PTPRH: variants seen among roughly 807,000 people sequenced by gnomAD.
PTPRH encodes the protein receptor-type tyrosine-protein phosphatase H.
In PTPRH, 113 loss-of-function variants were observed where a neutral mutation model predicts 130.2. That is an observed-to-expected ratio of 0.87 (90% CI 0.75 to 1.01). The LOEUF is 1.01. Among genes scored for constraint, PTPRH ranks in the 50% least tolerant of loss-of-function variants. The pLI is 0.00. For missense variants in PTPRH, 1,430 were observed against 1,425.0 expected (o/e 1.00, Z -0.06); for synonymous variants, 556 against 577.9 (o/e 0.96, Z 0.54).
At chr19:55,206,983 A>C (rs554764929) in intron 2 of PTPRH, 28 bp from the exon 3 acceptor site, 11 of 1,570,152 alleles carry the variant, frequency 7.0e-6, no homozygotes, top group Non-Finnish European at 8.6e-6. Flanking sequence ...AGGTCTGACA[A>C]AAAGGGAACC....
intron 12 of PTPRH, among the ~76,000 whole-genome samples, chr19:55,190,756 C>G (rs972308395): frequency 5.3e-5 from 8 of 150,272 alleles, no homozygotes; most frequent in Admixed American, 6.7e-5. Context: ...CAGCCACCTG[C>G]GTAGCTGGGA....
Position 55,186,276 on chromosome 19 carries a change from T to C in PTPRH, c.2727A>G (p.Glu909=). 1 of 1,613,932 alleles carries C rather than the reference T, an allele frequency of 6.2e-7. No homozygotes were observed. The highest frequency in any genetic ancestry group is 8.5e-7 in the Non-Finnish European group (1 of 1,179,904). The change falls in exon 16 of 20, where the codon GAA becomes GAG. Residue 909 remains glutamate (E), a synonymous_variant. Coordinates refer to ENST00000376350, the MANE Select transcript of PTPRH (RefSeq NM_002842.5). ...TVGDFWRLVW[E]QQSHTLVMLT... is the part of the protein sequence containing the mutation. ...GCATGACCAGGGTGTGGCTCTGCTGTTCCCACACCAGGCGCCAGAAGTCAC... is the reference window on the plus strand; with the variant it reads ...GCATGACCAGGGTGTGGCTCTGCTGCTCCCACACCAGGCGCCAGAAGTCAC...
At position 55,206,839 on chromosome 19, in the gene PTPRH, T is replaced by C. The variant is rs2087077999; in HGVS notation, c.202A>G (p.Thr68Ala). 1 of 1,614,052 alleles carries C rather than the reference T, an allele frequency of 6.2e-7. No individual in the cohort carries two copies. The highest frequency in any genetic ancestry group is 8.5e-7 in the Non-Finnish European group (1 of 1,180,032). Residue 68 changes from threonine (T) to alanine (A), a missense_variant, in exon 3 of 20, where the codon ACT (threonine) becomes GCT (alanine). Physicochemically the swap from Thr to Ala is moderately conservative, Grantham distance 58. Coordinates refer to ENST00000376350, the MANE Select transcript of PTPRH (RefSeq NM_002842.5). ...SQNSNYWVQC[T>A]GDGGTTETRN... ...GTCTCTGTTGTGCCGCCGTCTCCAG[T>C]ACACTGAACCCAGTAGTTGGAGTTC...
At position 55,182,132 on chromosome 19, in the gene PTPRH, C is replaced by T; in HGVS notation, c.3082G>A (p.Gly1028Arg). The change falls in exon 19 of 20, where the codon GGA becomes AGA. Residue 1028 changes from glycine to arginine, a missense_variant. By Grantham distance (125) the Gly-to-Arg change is moderately radical. Transcript: ENST00000376350. ...VHCSAGVGRT[G>R]TLIALDVLLR... is the part of the protein sequence containing the mutation. The stretch of plus-strand genomic sequence containing the variant: ...AGGACGTCCAGGGCAATGAGGGTTC[C>T]TGTGCGACCCACGCCAGCACTAGGC... 6.2e-7 allele frequency: 1 copy of T among 1,613,976 alleles called. No homozygotes were observed. The highest frequency in any genetic ancestry group is 2.2e-5 in the East Asian group (1 of 44,884).
In PTPRH at chr19:55,196,726, T is replaced by A. The variant is rs746565112; in HGVS notation, c.2053A>T (p.Ile685Phe). The change falls in exon 10 of 20, where the codon ATC becomes TTC. Residue 685 changes from isoleucine (I) to phenylalanine (F), a missense_variant. Transcript: ENST00000376350. The stretch of plus-strand genomic sequence containing the variant: ...TAGCCTCCCTGGGGGCAGGACCAGA[T>A]CAAGTTGACTCCATAGCCCGCTGAG... ...STSAGYGVNL[I>F]WSCPQGGYEA... 2.5e-6 allele frequency: 4 copies of A among 1,613,964 alleles called. No homozygotes were observed. The highest frequency in any genetic ancestry group is 2.5e-6 in the Non-Finnish European group (3 of 1,180,036).
In PTPRH at chr19:55,182,283, T is replaced by C. The variant is rs772388544; in HGVS notation, c.3063-132A>G. ...GCTCACACCTGTAATCCCAGCACTT[T>C]GGGAGGCTGAGGCCGGTGGATCACC... On this transcript the variant is annotated intron_variant, in intron 18 of 19. Transcript: ENST00000376350. 6.2e-4 allele frequency: 713 copies of C among 1,147,206 alleles called. 1 individual carries two copies. The highest frequency in any genetic ancestry group is 7.6e-4 in the Non-Finnish European group (624 of 823,470). 71.1% of individuals were successfully genotyped at this position (1,147,206 alleles called of 1,614,324 possible). A position where few individuals can be genotyped will look rare whatever the true frequency, so the allele number is the denominator to read the frequency against.
chr19:55,194,279 G>C, intron 10 of PTPRH: 2 of 1,289,528 alleles, frequency 1.6e-6, no homozygotes, highest in Non-Finnish European at 2.0e-6. Flanking sequence ...AGGCCCCCAA[G>C]CTGCAGCTTC....
At chr19:55,203,711 G>T in intron 5 of PTPRH, 71 bp downstream of exon 5, 1 of 1,493,798 alleles carries the variant, frequency 6.7e-7, no homozygotes, top group Non-Finnish European at 9.0e-7. Flanking sequence ...GTCACATTTT[G>T]TCAGCTCCCA....
intron 5 of PTPRH, among the ~76,000 whole-genome samples, chr19:55,202,614 T>C (rs2086900358): frequency 6.6e-6 from 1 of 150,398 alleles, no homozygotes; most frequent in Non-Finnish European, 1.5e-5. Flanking sequence ...CACACACATA[T>C]ATATACACAT....
rs2086535396 is a variant in PTPRH at position 55,191,539 on chromosome 19, C to CTTCTTA, written c.2340_2345dup (p.Asn780_Lys781dup). Reference sequence around the variant, plus strand: ...CCCTGAGTTCTGGTTTCTGCTGCTTCTTCTTATTCCTGGGAAAAGGACGTT... The same window carrying CTTCTTA: ...CCCTGAGTTCTGGTTTCTGCTGCTTCTTCTTATTCTTATTCCTGGGAAAAGGACGTT... On this transcript the variant is annotated inframe_insertion, in exon 12 of 20. Transcript: ENST00000376350. The CTTCTTA allele has an allele frequency of 6.2e-7, 1 of 1,614,204 alleles. No individual in the cohort carries two copies. The highest frequency in any genetic ancestry group is 8.5e-7 in the Non-Finnish European group (1 of 1,180,032).
intron 10 of PTPRH, among the ~76,000 whole-genome samples, chr19:55,196,004 G>A (rs889156280): frequency 1.3e-5 from 2 of 152,094 alleles, no homozygotes; most frequent in Admixed American, 6.6e-5. Flanking sequence ...TGAGCTTTCT[G>A]TTGGGGGTAA....
rs141146631 is a variant in PTPRH at position 55,196,682 on chromosome 19, C to A, written c.2097G>T (p.Glu699Asp). ...PQGGYEAFEL[E>D]VGGQRGSQDR... is the part of the protein sequence containing the mutation. ...CCTGGGAGCCCCGCTGTCCTCCCACCTCCAACTCAAAGGCCTCGTAGCCTC... is the reference window on the plus strand; with the variant it reads ...CCTGGGAGCCCCGCTGTCCTCCCACATCCAACTCAAAGGCCTCGTAGCCTC... The change falls in exon 10 of 20, where the codon GAG becomes GAT. Residue 699 changes from glutamate to aspartate, a missense_variant. By Grantham distance (45) the Glu-to-Asp change is conservative. Coordinates refer to ENST00000376350, the MANE Select transcript of PTPRH (RefSeq NM_002842.5). The A allele has an allele frequency of 6.2e-7, 1 of 1,614,014 alleles. No homozygotes were observed. The highest frequency in any genetic ancestry group is 8.5e-7 in the Non-Finnish European group (1 of 1,180,042).
Position 55,209,370 on chromosome 19 carries a change from G to C in PTPRH, c.51+13C>G, listed in dbSNP as rs757934878. 1.9e-6 allele frequency: 3 copies of C among 1,559,860 alleles called. No individual in the cohort carries two copies. The highest frequency in any genetic ancestry group is 1.9e-5 in the Admixed American group (1 of 51,842). On this transcript the variant is annotated intron_variant, in intron 1 of 19. Coordinates refer to ENST00000376350, the MANE Select transcript of PTPRH (RefSeq NM_002842.5). This position sits in a 1 kb window ranked among gnomAD's most constrained non-coding sequence, Gnocchi z 4.1. ...CCTGCCTTGGGAGCCCGCTCTGGGC[G>C]GGGAGCACTTACCAGCAGCACCAGG...
intron 17 of PTPRH, 85 bp downstream of exon 17, chr19:55,185,777 A>G (rs1336832408): frequency 6.2e-7 from 1 of 1,604,300 alleles, no homozygotes; most frequent in East Asian, 2.2e-5. Context: ...AGTGGGTGGA[A>G]GGTTGGAGTT....
chr19:55,191,389 A>G (rs1194260394), intron 12 of PTPRH, 112 bp downstream of exon 12: 44 of 1,291,982 alleles, frequency 3.4e-5, no homozygotes, highest in Non-Finnish European at 4.7e-5. Context: ...GCCCCTTCTG[A>G]GACCTTTGTG....
At chr19:55,194,235 G>T (rs925016328) in intron 10 of PTPRH, 1 of 1,289,586 alleles carries the variant, frequency 7.8e-7, no homozygotes, top group African/African-American at 1.5e-5. Flanking sequence ...CTTAGGGTAG[G>T]CTCAAGCCTA....
intron 6 of PTPRH, among the ~76,000 whole-genome samples, chr19:55,201,495 C>G (rs2086862875): frequency 6.6e-6 from 1 of 152,204 alleles, no homozygotes; most frequent in Admixed American, 6.5e-5. Context: ...GGACTGGGAG[C>G]CCCTCAACAG....
rs201963073 is a variant in PTPRH, at chr19:55,185,587, G to T, written c.2977C>A (p.Pro993Thr). Residue 993 changes from proline to threonine, a missense_variant, in exon 18 of 20, where the codon CCA (proline) becomes ACA (threonine). By Grantham distance (38) the Pro-to-Thr change is conservative. Transcript: ENST00000376350. Reference sequence around the variant, plus strand: ...CTCCAGAAAGCCAGCAAGGTGTCTGGGGAGGAGGGAACGCCGTGATCCGGC... The same window carrying T: ...CTCCAGAAAGCCAGCAAGGTGTCTGTGGAGGAGGGAACGCCGTGATCCGGC... ...AWPDHGVPSS[P>T]DTLLAFWRML... 8.1e-6 allele frequency: 13 copies of T among 1,614,214 alleles called. No individual in the cohort carries two copies. The highest frequency in any genetic ancestry group is 1.1e-5 in the Non-Finnish European group (13 of 1,180,042).
intron 4 of PTPRH, among the ~76,000 whole-genome samples, chr19:55,204,984 G>T (rs1003744299): frequency 1.3e-5 from 2 of 152,166 alleles, no homozygotes; most frequent in African/African-American, 2.4e-5. Flanking sequence ...ATGTGACGCA[G>T]CTGGGGACTA....
Sources: allele counts gnomAD v4.1 joint callset (sites outside exome capture counted in the v4.1 genomes callset), GRCh38; gene constraint gnomAD v4.1.1; non-coding constraint Gnocchi (gnomAD v3.1); transcripts MANE v1.5; gene names NCBI Gene and HGNC (gene_info 2026-07-23, HGNC 2026-07-21).